Variants in NBAS observed in about 807,000 individuals in gnomAD.
The protein encoded by NBAS is NBAS subunit of NRZ tethering complex.
In NBAS, 219 loss-of-function variants were observed where a neutral mutation model predicts 302.5. That is an observed-to-expected ratio of 0.72 (90% CI 0.65 to 0.81). NBAS has a LOEUF of 0.81. NBAS is among the 30% of genes least tolerant of loss of function. NBAS has a pLI of 0.00. For synonymous variants in NBAS, 1,118 were observed against 1,021.6 expected, an observed-to-expected ratio of 1.09 and a Z score of -1.80; for missense variants, 2,932 against 2,841.6, an observed-to-expected ratio of 1.03 and a Z score of -0.72.
intron 30 of NBAS, among the ~76,000 whole-genome samples, chr2:15,377,369 G>GT (rs1281365464): frequency 6.6e-6 from 1 of 152,150 alleles, no homozygotes; most frequent in Non-Finnish European, 1.5e-5. Flanking sequence ...AAATAAACTG[G>GT]TGCCACATGA....
intron 45 of NBAS, 21 bp downstream of exon 45, chr2:15,238,447 T>G (rs201826938): frequency 6.2e-7 from 1 of 1,605,560 alleles, no homozygotes; most frequent in Non-Finnish European, 8.5e-7. Context: ...AGTGAGCATA[T>G]AGAAGTTCCC....
At chr2:14,860,230 C>T in the NBAS span, among the ~76,000 whole-genome samples, 3 of 151,992 alleles carry the variant, frequency 2.0e-5, no homozygotes, top group South Asian at 2.1e-4. Flanking sequence ...ACATTGTTGA[C>T]GGGAATGTAA....
intron 40 of NBAS, among the ~76,000 whole-genome samples, chr2:15,305,449 G>GCTTTTTTT (rs766552962): frequency 8.1e-6 from 1 of 123,804 alleles, no homozygotes. Flanking sequence ...GTCTCGAGCA[G>GCTTTTTTT]TTTTTTTTTT....
the NBAS span, among the ~76,000 whole-genome samples, chr2:14,843,668 A>G: frequency 4.6e-5 from 7 of 152,198 alleles, no homozygotes; most frequent in East Asian, 1.2e-3. Flanking sequence ...GAACTGGAAG[A>G]GGGTAGGAAA....
the NBAS span, among the ~76,000 whole-genome samples, chr2:14,909,330 A>C: frequency 6.8e-6 from 1 of 147,560 alleles, no homozygotes; most frequent in Non-Finnish European, 1.5e-5. Context: ...AAAAAAAAAA[A>C]AAAAAAGAGA....
At chr2:15,035,896 C>T in the NBAS span, among the ~76,000 whole-genome samples, 6 of 152,166 alleles carry the variant, frequency 3.9e-5, no homozygotes, top group East Asian at 3.9e-4. Flanking sequence ...ATATCTAATG[C>T]ATGCCAGGCT....
At chr2:15,467,079 A>G (rs997544128) in intron 19 of NBAS, among the ~76,000 whole-genome samples, 2 of 152,236 alleles carry the variant, frequency 1.3e-5, no homozygotes, top group African/African-American at 2.4e-5. Flanking sequence ...AAGATTATAA[A>G]TCTAGAAAAC....
At chr2:15,452,942 G>A (rs1679088726) in intron 21 of NBAS, among the ~76,000 whole-genome samples, 1 of 152,106 alleles carries the variant, frequency 6.6e-6, no homozygotes, top group Non-Finnish European at 1.5e-5. Context: ...ACTTTATTAG[G>A]AGATATGTGT....
At chr2:15,498,891 C>T in intron 11 of NBAS, among the ~76,000 whole-genome samples, 1 of 151,454 alleles carries the variant, frequency 6.6e-6, no homozygotes, top group African/African-American at 2.4e-5. Flanking sequence ...GTCAATTAAA[C>T]CTCTTTTCTT....
At chr2:14,986,401 C>A in the NBAS span, among the ~76,000 whole-genome samples, 2 of 152,064 alleles carry the variant, frequency 1.3e-5, no homozygotes, top group African/African-American at 4.8e-5. Context: ...AACAATTAAT[C>A]TAATACACTG....
chr2:14,915,170 T>A, the NBAS span, among the ~76,000 whole-genome samples: 2 of 152,206 alleles, frequency 1.3e-5, no homozygotes, highest in Non-Finnish European at 2.9e-5. Context: ...TTAACTGACT[T>A]CTTTTCTGCT....
At chr2:15,359,634 C>CG (rs1163606713) in intron 32 of NBAS, among the ~76,000 whole-genome samples, 2 of 152,000 alleles carry the variant, frequency 1.3e-5, no homozygotes, top group East Asian at 3.9e-4. Flanking sequence ...GCCCTTTCAA[C>CG]ATATTCCTTT....
At chr2:15,360,630 C>G (rs1484196304) in intron 32 of NBAS, among the ~76,000 whole-genome samples, 1 of 146,564 alleles carries the variant, frequency 6.8e-6, no homozygotes, top group African/African-American at 2.5e-5. Flanking sequence ...GATTAGAAGT[C>G]TGAGCCGCCA....
At chr2:15,042,522 G>T in the NBAS span, among the ~76,000 whole-genome samples, 1 of 152,220 alleles carries the variant, frequency 6.6e-6, no homozygotes, top group Admixed American at 6.5e-5. Flanking sequence ...CACACCAAGG[G>T]CTTAGGTAGA....
At chr2:14,833,373 C>A in the NBAS span, among the ~76,000 whole-genome samples, 1 of 152,100 alleles carries the variant, frequency 6.6e-6, no homozygotes, top group Non-Finnish European at 1.5e-5. Context: ...TCAGAGATCA[C>A]ATGTGACAGA....
rs180796985 is a variant in NBAS at position 15,556,253 on chromosome 2, A to T, written c.209+530T>A. Among the ~76,000 whole-genome samples the T allele has an allele frequency of 1.2e-4, 18 of 152,328 alleles. 1 individual carries two copies. The South Asian group carries it at 1.4e-3, about 12-fold the overall frequency. Reference sequence around the variant, plus strand: ...TCTATGTAAATAATTCTATAAAACAATTCCTACACATGTATCTAAAAGCAG... The same window carrying T: ...TCTATGTAAATAATTCTATAAAACATTTCCTACACATGTATCTAAAAGCAG... On this transcript the variant is annotated intron_variant, in intron 3 of 51. Transcript: ENST00000281513.
chr2:15,315,365 A>G (rs1463974055), intron 38 of NBAS, among the ~76,000 whole-genome samples: 1 of 152,234 alleles, frequency 6.6e-6, no homozygotes, highest in Non-Finnish European at 1.5e-5. Flanking sequence ...ACGGAGAATG[A>G]GCAGGATTGA....
rs1211716427 is a variant in NBAS at position 15,186,824 on chromosome 2, A to T, written c.6629T>A (p.Met2210Lys). 1 of 1,613,772 alleles carries T rather than the reference A, an allele frequency of 6.2e-7. No homozygotes were observed. The highest frequency in any genetic ancestry group is 1.7e-5 in the Admixed American group (1 of 59,958). The change falls in exon 50 of 52, where the codon ATG becomes AAG. Residue 2210 changes from methionine (M) to lysine (K), a missense_variant. Transcript: ENST00000281513. The part of the protein sequence containing the change: ...LATVMLTRCT[M>K]ENKEGLGNEV... ...ATTCCCCAATCCTTCCTTGTTCTCC[A>T]TCGTACATCTGGTTAGCATCACTGT...
chr2:14,852,399 G>T, the NBAS span, among the ~76,000 whole-genome samples: 2 of 79,636 alleles, frequency 2.5e-5, 1 homozygote, highest in Non-Finnish European at 4.8e-5. Flanking sequence ...TCTTCAAGGA[G>T]AACTACAAAC....
Sources: allele counts gnomAD v4.1 joint callset (sites outside exome capture counted in the v4.1 genomes callset), GRCh38; gene constraint gnomAD v4.1.1; transcripts MANE v1.5; gene names NCBI Gene and HGNC (gene_info 2026-07-23, HGNC 2026-07-21).